Variants in ANK2 observed in about 807,000 individuals in gnomAD.
ANK2 encodes ankyrin-2.
ANK2 carries 83 observed loss-of-function variants against 360.5 expected under a neutral mutation model. That is an observed-to-expected ratio of 0.23 (90% CI 0.19 to 0.28). The LOEUF is 0.28. ANK2 is among the 10% of genes least tolerant of loss of function. The pLI, the probability that ANK2 is intolerant of heterozygous loss-of-function variation, is 1.00. For missense variants in ANK2, 4,201 were observed against 4,795.7 expected, an observed-to-expected ratio of 0.88 and a Z score of 3.66; for synonymous variants, 1,740 against 1,759.5, an observed-to-expected ratio of 0.99 and a Z score of 0.28.
In ANK2 at chr4:113,353,607, G is replaced by C. The variant is rs1469200802; in HGVS notation, c.4989G>C (p.Gly1663=). ...TGCAGACAGTTCAAGATAAGGCAGG[G>C]AAGAAATGTGAGGCTCTGGCTGTTG... is the stretch of plus-strand genomic sequence containing the variant. ...EQLQTVQDKA[G]KKCEALAVGR... Residue 1663 remains glycine, a synonymous_variant, in exon 38 of 46, where the codon GGG becomes GGC. Transcript: ENST00000357077. The C allele has an allele frequency of 6.2e-7, 1 of 1,614,092 alleles. No homozygotes were observed. Among genetic ancestry groups the C allele is most frequent in the Non-Finnish European group, 8.5e-7 (1 of 1,179,986 alleles).
intron 1 of ANK2, among the ~76,000 whole-genome samples, chr4:113,058,993 C>T (rs2071657628): frequency 1.3e-5 from 2 of 152,160 alleles, no homozygotes; most frequent in Non-Finnish European, 2.9e-5. Context: ...GGCCCCATTT[C>T]CTGGTTCACA....
At chr4:112,884,353 T>C (rs1580470529) in intron 1 of ANK2, among the ~76,000 whole-genome samples, 1 of 152,196 alleles carries the variant, frequency 6.6e-6, no homozygotes, top group Non-Finnish European at 1.5e-5. Flanking sequence ...CTTGTGGTTG[T>C]TACTCAACTG....
chr4:112,949,980 A>G (rs1650752898), intron 2 of ANK2, among the ~76,000 whole-genome samples: 1 of 152,224 alleles, frequency 6.6e-6, no homozygotes, highest in Admixed American at 6.5e-5. Flanking sequence ...AAGAGAAGAA[A>G]TGCAGTTGAT....
chr4:112,838,462 A>G (rs1291807620), intron 1 of ANK2, among the ~76,000 whole-genome samples: 1 of 152,240 alleles, frequency 6.6e-6, no homozygotes, highest in Non-Finnish European at 1.5e-5. Flanking sequence ...ATGGAATGCA[A>G]ACAGCACTTC....
chr4:113,353,905 A>C lies in ANK2; in HGVS notation c.5287A>C (p.Ile1763Leu). ...ATCTCCTTTGATAGAAGAAACTCCC[A>C]TTGGTTCCATAAAGGACAAAGTAAA... Reference protein sequence around the residue: ...ATSPLIEETPIGSIKDKVKAL... With the variant: ...ATSPLIEETPLGSIKDKVKAL... Residue 1763 changes from isoleucine (I) to leucine (L), a missense_variant, in exon 38 of 46, where the codon ATT (isoleucine) becomes CTT (leucine). Coordinates refer to ENST00000357077, the MANE Select transcript of ANK2 (RefSeq NM_001148.6). The C allele has an allele frequency of 6.2e-7, 1 of 1,614,108 alleles. No individual in the cohort carries two copies. The highest frequency in any genetic ancestry group is 1.7e-5 in the Admixed American group (1 of 60,026).
intron 22 of ANK2, among the ~76,000 whole-genome samples, chr4:113,298,447 G>A (rs1291374007): frequency 4.6e-5 from 7 of 152,166 alleles, no homozygotes; most frequent in Admixed American, 4.6e-4. Flanking sequence ...TGACCAGGAG[G>A]ATTGGCTGAG....
chr4:112,825,517 A>G (rs1054163273), intron 1 of ANK2, among the ~76,000 whole-genome samples: 1 of 152,162 alleles, frequency 6.6e-6, no homozygotes, highest in Non-Finnish European at 1.5e-5. Context: ...TTTTTGAGGA[A>G]GTATCACAAG....
At chr4:112,887,638 GA>G (rs1412699321) in intron 1 of ANK2, among the ~76,000 whole-genome samples, 3 of 152,022 alleles carry the variant, frequency 2.0e-5, no homozygotes, top group Non-Finnish European at 4.4e-5. Flanking sequence ...AGGTATGAGT[GA>G]AAAATCCATC....
At chr4:113,008,447 A>T (rs1349009756) in intron 2 of ANK2, among the ~76,000 whole-genome samples, 2 of 152,216 alleles carry the variant, frequency 1.3e-5, no homozygotes, top group Non-Finnish European at 2.9e-5. Context: ...TATTTGGAAG[A>T]ATATTTGTGA....
chr4:112,941,542 T>A (rs1205430601), intron 2 of ANK2, among the ~76,000 whole-genome samples: 1 of 142,596 alleles, frequency 7.0e-6, no homozygotes, highest in Non-Finnish European at 1.5e-5. Context: ...TAAAAACATA[T>A]TTAGTATATA....
At chr4:112,737,891 T>G in the ANK2 span, among the ~76,000 whole-genome samples, 3 of 152,116 alleles carry the variant, frequency 2.0e-5, no homozygotes, top group African/African-American at 7.2e-5. Flanking sequence ...ATTCTATTGG[T>G]TAAAATGTGT....
intron 2 of ANK2, among the ~76,000 whole-genome samples, chr4:112,998,760 C>T (rs2049551174): frequency 6.6e-6 from 1 of 152,150 alleles, no homozygotes; most frequent in Admixed American, 6.6e-5. Flanking sequence ...AATTTTGAAT[C>T]TCTAAAATAA....
chr4:112,807,388 CAT>C, the ANK2 span, among the ~76,000 whole-genome samples: 1 of 152,162 alleles, frequency 6.6e-6, no homozygotes, highest in African/African-American at 2.4e-5. Context: ...ATTTAAGTCT[CAT>C]AATGAGTTCA....
intron 2 of ANK2, among the ~76,000 whole-genome samples, chr4:112,964,002 C>A (rs1434088206): frequency 6.6e-6 from 1 of 151,224 alleles, no homozygotes; most frequent in African/African-American, 2.4e-5. Flanking sequence ...TTATTGAATT[C>A]TTATGTTATT....
the ANK2 span, among the ~76,000 whole-genome samples, chr4:112,780,928 A>G: frequency 6.6e-6 from 1 of 152,326 alleles, no homozygotes; most frequent in South Asian, 2.1e-4. Flanking sequence ...AAATTATATA[A>G]CTATTTGTTA....
intron 11 of ANK2, among the ~76,000 whole-genome samples, chr4:113,256,153 T>G (rs1303041098): frequency 1.3e-5 from 2 of 152,238 alleles, no homozygotes; most frequent in African/African-American, 4.8e-5. Flanking sequence ...CAATGTAACA[T>G]TTCTGAAACT....
At chr4:113,135,624 T>G (rs757104526) in intron 1 of ANK2, among the ~76,000 whole-genome samples, 1 of 152,040 alleles carries the variant, frequency 6.6e-6, no homozygotes, top group Non-Finnish European at 1.5e-5. Flanking sequence ...TAGCAATGAT[T>G]ACTCTCCATA....
chr4:113,007,097 T>A (rs1227360105), intron 2 of ANK2, among the ~76,000 whole-genome samples: 2 of 152,368 alleles, frequency 1.3e-5, no homozygotes, highest in East Asian at 1.9e-4. Context: ...ATATATTTTT[T>A]AAAAAATCAG....
chr4:112,930,236 G>C (rs1201308457), intron 2 of ANK2, among the ~76,000 whole-genome samples: 1 of 151,992 alleles, frequency 6.6e-6, no homozygotes, highest in African/African-American at 2.4e-5. Context: ...TTTGAGCCAA[G>C]GAGTTTCAGA....
Sources: gnomAD v4.1 joint callset for allele counts (sites outside exome capture counted in the v4.1 genomes callset) on GRCh38, gnomAD v4.1.1 for gene constraint, MANE v1.5 for transcripts, NCBI Gene and HGNC (gene_info 2026-07-23, HGNC 2026-07-21) for gene names.